The following SOX6 variants were observed in gnomAD, a reference collection of about 807,000 sequenced individuals.
SOX6 encodes the protein transcription factor SOX-6.
Under a neutral mutation model 97.8 loss-of-function variants are expected in SOX6, and 11 were observed. The observed-to-expected ratio is 0.11, with a 90% CI of 0.07 to 0.19. The LOEUF (loss-of-function observed/expected upper bound fraction) is 0.19. Among genes scored for constraint, SOX6 ranks in the 10% least tolerant of loss-of-function variants. The probability of loss-of-function intolerance (pLI) is 1.00; values close to 1 mark genes in which losing one functional copy is unlikely to be tolerated. For missense variants in SOX6, 810 were observed against 1,039.5 expected (o/e 0.78, Z 3.04); for synonymous variants, 360 against 371.4 (o/e 0.97, Z 0.35).
intron 6 of SOX6, among the ~76,000 whole-genome samples, chr11:16,181,253 A>T (rs1213758040): frequency 6.6e-6 from 1 of 151,782 alleles, no homozygotes; most frequent in Non-Finnish European, 1.5e-5. Context: ...AGAAAAAAAA[A>T]GTGTCAAACT....
At chr11:16,469,373 A>G (rs1389058012) in intron 1 of SOX6, among the ~76,000 whole-genome samples, 1 of 152,146 alleles carries the variant, frequency 6.6e-6, no homozygotes, top group Non-Finnish European at 1.5e-5. Context: ...GATTCTTAAG[A>G]AATACAAGCT....
chr11:16,615,641 A>T (rs1170600992), intron 3 of SOX6, among the ~76,000 whole-genome samples: 1 of 152,246 alleles, frequency 6.6e-6, no homozygotes, highest in Non-Finnish European at 1.5e-5. Context: ...AAACCAGAAC[A>T]TTGTAAACTC....
chr11:16,716,560 C>A (rs1814838578), intron 2 of SOX6, among the ~76,000 whole-genome samples: 1 of 152,024 alleles, frequency 6.6e-6, no homozygotes, highest in Middle Eastern at 3.2e-3. Flanking sequence ...TTTGGAAAAC[C>A]TTTTGGCATT....
intron 3 of SOX6, among the ~76,000 whole-genome samples, chr11:16,707,213 T>C (rs1258479576): frequency 5.9e-5 from 9 of 152,170 alleles, no homozygotes; most frequent in Non-Finnish European, 1.3e-4. Flanking sequence ...AATTAGTCAG[T>C]TTTTCCATTT....
intron 9 of SOX6, among the ~76,000 whole-genome samples, chr11:16,093,078 A>G (rs1848725290): frequency 6.6e-6 from 1 of 152,036 alleles, no homozygotes; most frequent in Admixed American, 6.6e-5. Context: ...TGGAATAAGC[A>G]GCAGTATAAT....
chr11:16,064,526 A>G (rs931732883), intron 9 of SOX6, among the ~76,000 whole-genome samples: 2 of 150,340 alleles, frequency 1.3e-5, no homozygotes, highest in African/African-American at 2.5e-5. Context: ...ATACATATAT[A>G]TATATATATG....
chr11:16,617,650 G>T (rs1434913698), intron 3 of SOX6, among the ~76,000 whole-genome samples: 1 of 151,772 alleles, frequency 6.6e-6, no homozygotes, highest in African/African-American at 2.4e-5. Flanking sequence ...CTGAAAAGCA[G>T]ATATAAACAG....
At chr11:16,688,140 TTTTG>T (rs1554900744) in intron 3 of SOX6, among the ~76,000 whole-genome samples, 1 of 151,958 alleles carries the variant, frequency 6.6e-6, no homozygotes, top group Non-Finnish European at 1.5e-5. Context: ...ACCTGGCTAA[TTTTG>T]TTTATTTTTT....
At chr11:16,068,422 A>C (rs2133938829) in intron 9 of SOX6, among the ~76,000 whole-genome samples, 1 of 152,348 alleles carries the variant, frequency 6.6e-6, no homozygotes, top group South Asian at 2.1e-4. Flanking sequence ...AGAGCTTCAA[A>C]TAATTATTTG....
rs1855825385 is a variant in SOX6 at position 16,318,725 on chromosome 11, A to T, written c.238-72T>A. ...GCATGCTACTGGAGAAAAAAATCCC[A>T]AACTGAGGACAGTATATGATGCTTA... On this transcript the variant is annotated intron_variant, in intron 2 of 15. Transcript: ENST00000683767. The T allele has an allele frequency of 3.1e-6, 4 of 1,280,182 alleles. No homozygotes were observed. The South Asian group carries it at 4.9e-5, about 16-fold the overall frequency. 79.3% of individuals were successfully genotyped at this position (1,280,182 alleles called of 1,614,324 possible). A position where few individuals can be genotyped will look rare whatever the true frequency, so the allele number is the denominator to read the frequency against.
intron 3 of SOX6, among the ~76,000 whole-genome samples, chr11:16,639,578 T>C (rs1305908158): frequency 6.6e-6 from 1 of 152,230 alleles, no homozygotes; most frequent in Non-Finnish European, 1.5e-5. Context: ...GTTTGTATCC[T>C]CTTTTATTTC....
At chr11:16,342,407 A>C (rs1856665408) in intron 1 of SOX6, among the ~76,000 whole-genome samples, 1 of 151,986 alleles carries the variant, frequency 6.6e-6, no homozygotes, top group Admixed American at 6.6e-5. Flanking sequence ...TTGCTATTTA[A>C]CATTAATTGA....
chr11:16,286,744 A>G (rs1050962473), intron 3 of SOX6, among the ~76,000 whole-genome samples: 3 of 152,122 alleles, frequency 2.0e-5, no homozygotes, highest in African/African-American at 7.2e-5. Flanking sequence ...TGTTTCATAT[A>G]AGGAATATAA....
At chr11:16,039,986 C>A (rs919177985) in intron 12 of SOX6, among the ~76,000 whole-genome samples, 1 of 151,860 alleles carries the variant, frequency 6.6e-6, no homozygotes, top group African/African-American at 2.4e-5. Context: ...TAGAAACTAC[C>A]TGCCATAATG....
At chr11:16,029,026 C>G (rs879681790) in intron 12 of SOX6, among the ~76,000 whole-genome samples, 3 of 152,102 alleles carry the variant, frequency 2.0e-5, no homozygotes, top group African/African-American at 7.2e-5. Flanking sequence ...GCAAGGGTAG[C>G]GACTGCACCA....
chr11:16,349,697 GA>G (rs1416670865), intron 1 of SOX6, among the ~76,000 whole-genome samples: 1 of 52,368 alleles, frequency 1.9e-5, no homozygotes, highest in Non-Finnish European at 4.7e-5. Context: ...AGGAAGGAAG[GA>G]AGGAAGGAAG....
intron 4 of SOX6, among the ~76,000 whole-genome samples, chr11:16,537,204 G>A (rs1023170707): frequency 4.6e-5 from 7 of 152,150 alleles, no homozygotes; most frequent in Admixed American, 2.0e-4. Flanking sequence ...GTGGACCTCC[G>A]GCGAACTCCA....
intron 3 of SOX6, among the ~76,000 whole-genome samples, chr11:16,646,878 T>C (rs1849022204): frequency 6.6e-6 from 1 of 152,188 alleles, no homozygotes; most frequent in Admixed American, 6.5e-5. Flanking sequence ...GTATAATGAC[T>C]TATTTTTCTC....
At chr11:16,595,181 T>A (rs116098330) in intron 4 of SOX6, among the ~76,000 whole-genome samples, 1,691 of 152,226 alleles carry the variant, frequency 0.011, 22 homozygotes, top group African/African-American at 0.039. Context: ...AATGTAGAGA[T>A]TTCATCATTT....
Sources: gnomAD v4.1 joint callset for allele counts (sites outside exome capture counted in the v4.1 genomes callset) on GRCh38, gnomAD v4.1.1 for gene constraint, MANE v1.5 for transcripts, NCBI Gene and HGNC (gene_info 2026-07-23, HGNC 2026-07-21) for gene names.